Variants in SNTB1 observed in about 807,000 individuals in gnomAD.
SNTB1 encodes syntrophin beta 1.
Under a neutral mutation model 48.9 loss-of-function variants are expected in SNTB1, and 36 were observed. The ratio of observed to expected loss-of-function variants is 0.74; its 90% CI spans 0.56 to 0.97. SNTB1 has a LOEUF of 0.97. Among genes scored for constraint, SNTB1 ranks in the 50% least tolerant of loss-of-function variants. The pLI is 0.00. For missense variants in SNTB1, 786 were observed against 703.4 expected (o/e 1.12, Z -1.33); for synonymous variants, 299 against 294.6 (o/e 1.01, Z -0.15).
At chr8:120,794,492 T>TACAC (rs60489007) in intron 1 of SNTB1, among the ~76,000 whole-genome samples, 67 of 151,494 alleles carry the variant, frequency 4.4e-4, no homozygotes, top group African/African-American at 1.5e-3. Context: ...TATATATATA[T>TACAC]ACACACACAC....
intron 1 of SNTB1, among the ~76,000 whole-genome samples, chr8:120,709,598 C>G (rs952919557): frequency 3.9e-5 from 6 of 152,158 alleles, no homozygotes; most frequent in African/African-American, 1.4e-4. Context: ...CTTGTGAGAT[C>G]ATACTGTTAT....
chr8:120,692,207 G>A lies in SNTB1; in HGVS notation c.788+1485C>T, dbSNP rs149019509. 6.1e-3 allele frequency among the ~76,000 whole-genome samples: 931 copies of A among 152,260 alleles called. 3 individuals are homozygous for A. Among genetic ancestry groups the A allele is most frequent in the Middle Eastern group, 0.02 (6 of 294 alleles). On this transcript the variant is annotated intron_variant, in intron 2 of 6. Transcript: ENST00000517992. ...CCAGAGCCAGAAGGGCCCTGGCAGC[G>A]TCCTTAGAGTGAGCTAACTGAGATG...
intron 2 of SNTB1, among the ~76,000 whole-genome samples, chr8:120,683,739 G>A (rs1817978847): frequency 6.6e-6 from 1 of 152,140 alleles, no homozygotes. Flanking sequence ...AATAATCTCT[G>A]CTTGACAGCT....
intron 2 of SNTB1, among the ~76,000 whole-genome samples, chr8:120,680,488 T>C (rs909813852): frequency 6.6e-6 from 1 of 152,216 alleles, no homozygotes; most frequent in African/African-American, 2.4e-5. Context: ...ACACCTTATA[T>C]GTCCACACAG....
chr8:120,750,408 G>C (rs1449099556), intron 1 of SNTB1, among the ~76,000 whole-genome samples: 1 of 152,082 alleles, frequency 6.6e-6, no homozygotes, highest in Non-Finnish European at 1.5e-5. Context: ...CTTCATTGGT[G>C]ATTTATTTGT....
intron 3 of SNTB1, among the ~76,000 whole-genome samples, chr8:120,585,380 G>A (rs765089341): frequency 2.0e-5 from 3 of 152,118 alleles, no homozygotes; most frequent in Non-Finnish European, 2.9e-5. Context: ...TCTTTCTGTC[G>A]TTCTTTCCTG....
chr8:120,760,378 T>C (rs747546967), intron 1 of SNTB1, among the ~76,000 whole-genome samples: 5 of 151,492 alleles, frequency 3.3e-5, no homozygotes, highest in Non-Finnish European at 7.4e-5. Flanking sequence ...TCACCACTGC[T>C]AAAACCGAAG....
At chr8:120,574,587 C>T (rs972110078) in intron 4 of SNTB1, among the ~76,000 whole-genome samples, 16 of 152,088 alleles carry the variant, frequency 1.1e-4, no homozygotes, top group Admixed American at 3.3e-4. Context: ...CACTGAAGGA[C>T]CTGAAAAACC....
chr8:120,563,845 C>G (rs895421810), intron 4 of SNTB1, among the ~76,000 whole-genome samples: 2 of 152,066 alleles, frequency 1.3e-5, no homozygotes, highest in Non-Finnish European at 2.9e-5. Context: ...CATGGTGGCT[C>G]ACGTCTGTAA....
chr8:120,605,067 T>C (rs895327150), intron 3 of SNTB1, among the ~76,000 whole-genome samples: 1 of 152,124 alleles, frequency 6.6e-6, no homozygotes, highest in Non-Finnish European at 1.5e-5. Flanking sequence ...TTACCAAGAG[T>C]GTGGTCCTGA....
chr8:120,574,998 G>C (rs543262621), intron 4 of SNTB1, 88 bp downstream of exon 4: 2 of 1,516,678 alleles, frequency 1.3e-6, no homozygotes, highest in African/African-American at 1.4e-5. Flanking sequence ...GCAATAGTGA[G>C]CAGTAATATA....
At chr8:120,799,714 A>T (rs1820185803) in intron 1 of SNTB1, among the ~76,000 whole-genome samples, 1 of 152,014 alleles carries the variant, frequency 6.6e-6, no homozygotes, top group African/African-American at 2.4e-5. Flanking sequence ...AAGAGTCTTC[A>T]GTTCAGAGGT....
At chr8:120,571,567 A>G (rs1467266354) in intron 4 of SNTB1, among the ~76,000 whole-genome samples, 1 of 129,164 alleles carries the variant, frequency 7.7e-6, no homozygotes, top group Admixed American at 1.0e-4. Flanking sequence ...GTGTGATCTC[A>G]GCTCACTGCA....
intron 2 of SNTB1, among the ~76,000 whole-genome samples, chr8:120,686,646 A>G (rs569772907): frequency 2.0e-5 from 3 of 152,328 alleles, no homozygotes; most frequent in Admixed American, 6.5e-5. Context: ...CCTGAAAATC[A>G]GAGAGATTGG....
chr8:120,580,008 T>C (rs1816018051), intron 3 of SNTB1, among the ~76,000 whole-genome samples: 2 of 152,166 alleles, frequency 1.3e-5, no homozygotes, highest in Non-Finnish European at 2.9e-5. Context: ...AATTTCCTCC[T>C]CTGCCAAATG....
intron 6 of SNTB1, among the ~76,000 whole-genome samples, chr8:120,539,761 C>T (rs1473020615): frequency 6.6e-6 from 1 of 152,160 alleles, no homozygotes; most frequent in Non-Finnish European, 1.5e-5. Flanking sequence ...ATCAGAACAA[C>T]CCGAGCATAT....
chr8:120,588,274 G>A (rs1288592124), intron 3 of SNTB1, among the ~76,000 whole-genome samples: 2 of 151,950 alleles, frequency 1.3e-5, no homozygotes, highest in Admixed American at 6.6e-5. Context: ...CTAAACTCAC[G>A]GCCTGGCATT....
intron 2 of SNTB1, among the ~76,000 whole-genome samples, chr8:120,689,623 C>A (rs1271477905): frequency 6.6e-6 from 1 of 152,034 alleles, no homozygotes; most frequent in Non-Finnish European, 1.5e-5. Context: ...TTTATCATTC[C>A]TTCTCTTCAT....
At position 120,638,352 on chromosome 8, in the gene SNTB1, TG is replaced by T. The variant is rs1159454460; in HGVS notation, c.789-5702del. On this transcript the variant is annotated intron_variant, in intron 2 of 6. Coordinates refer to ENST00000517992, the MANE Select transcript of SNTB1 (RefSeq NM_021021.4). ...TCTCTGGACACTTCATACATCTTGATGGGTTAAGGCATGACTATGCTACAGA... is the reference window on the plus strand; with the variant it reads ...TCTCTGGACACTTCATACATCTTGATGGTTAAGGCATGACTATGCTACAGA... 7.9e-5 allele frequency: 12 copies of T among 152,140 alleles called. No individual in the cohort carries two copies. The East Asian group carries it at 2.3e-3, about 29-fold the overall frequency. 9.4% of individuals were successfully genotyped at this position (152,140 alleles called of 1,614,324 possible).
Sources: gnomAD v4.1 joint callset for allele counts (sites outside exome capture counted in the v4.1 genomes callset) on GRCh38, gnomAD v4.1.1 for gene constraint, MANE v1.5 for transcripts, NCBI Gene and HGNC (gene_info 2026-07-23, HGNC 2026-07-21) for gene names.